The following LGALS12 variants were observed in gnomAD, a reference collection of about 807,000 sequenced individuals.
LGALS12 encodes galectin 12.
In LGALS12, 36 loss-of-function variants were observed where a neutral mutation model predicts 36.8. That is an observed-to-expected ratio of 0.98 (90% confidence interval 0.75 to 1.29). The LOEUF is 1.29. Ranked by LOEUF, LGALS12 falls within the 50% of genes most tolerant of loss-of-function variation. The pLI is 0.00. For synonymous variants in LGALS12, 145 were observed against 155.9 expected, an observed-to-expected ratio of 0.93 and a Z score of 0.52; for missense variants, 366 against 394.3, an observed-to-expected ratio of 0.93 and a Z score of 0.61.
chr11:63,516,204 G>T (rs1203078024), intron 8 of LGALS12, 43 bp from the exon 9 acceptor site: 2 of 1,525,768 alleles, frequency 1.3e-6, no homozygotes, highest in Non-Finnish European at 8.7e-7. Context: ...ACAAGGGAAA[G>T]TCTGGCTGGA....
chr11:63,510,803 G>T (rs2016896005), intron 5 of LGALS12, among the ~76,000 whole-genome samples: 1 of 152,332 alleles, frequency 6.6e-6, no homozygotes, highest in Non-Finnish European at 1.5e-5. Context: ...AAGGTGGCTG[G>T]GGTTGGTCTT....
chr11:63,515,737 A>G (rs754593797), intron 8 of LGALS12, 24 bp downstream of exon 8: 1 of 1,611,636 alleles, frequency 6.2e-7, no homozygotes, highest in South Asian at 1.1e-5. Flanking sequence ...AAATGATTAC[A>G]TCCCTTCAGG....
Position 63,516,466 on chromosome 11 carries a change from C to T in LGALS12, c.*73C>T. On this transcript the variant is annotated 3_prime_UTR_variant, in exon 9 of 9. Transcript: ENST00000394618. ...TCCCAGGGCCCCACTCTCCTCCCCT[C>T]ATTAAACCATCCACCTGACACCAGC... The T allele has an allele frequency of 1.3e-6, 2 of 1,548,298 alleles. No individual in the cohort carries two copies. Among genetic ancestry groups the T allele is most frequent in the South Asian group, 1.1e-5 (1 of 88,956 alleles).
chr11:63,516,130 C>T, intron 8 of LGALS12, 117 bp from the exon 9 acceptor site: 5 of 1,315,742 alleles, frequency 3.8e-6, no homozygotes, highest in Middle Eastern at 2.7e-4. Context: ...ACTGGGTGCC[C>T]CCTGGGTCCA....
intron 1 of LGALS12, chr11:63,507,954 T>C: frequency 4.7e-6 from 4 of 844,176 alleles, no homozygotes; most frequent in East Asian, 1.2e-4. Flanking sequence ...GCCAAGCTGG[T>C]CTCGAACTCC....
chr11:63,516,354 G>A lies in LGALS12; in HGVS notation c.906G>A (p.Arg302=), dbSNP rs1404546854. The stretch of plus-strand genomic sequence containing the variant: ...CCCTGGAGCAGCTGCGGGAGCTCCG[G>A]ATCAGTGGAAGTGTCCAGCTCTACT... ...QQALEQLREL[R]ISGSVQLYCV... is the part of the protein sequence containing the mutation. The change falls in exon 9 of 9, where the codon CGG becomes CGA. Residue 302 remains arginine (R), a synonymous_variant. Coordinates refer to ENST00000394618, the MANE Select transcript of LGALS12 (RefSeq NM_033101.4). The A allele has an allele frequency of 3.7e-6, 6 of 1,613,778 alleles. No individual in the cohort carries two copies. The East Asian group carries it at 1.3e-4, about 36-fold the overall frequency.
chr11:63,510,435 G>T, intron 4 of LGALS12, 28 bp from the exon 5 acceptor site: 3 of 1,613,400 alleles, frequency 1.9e-6, no homozygotes, highest in Non-Finnish European at 2.5e-6. Flanking sequence ...CCTAAATGCT[G>T]CTGATTCTTT....
chr11:63,514,457 G>T (rs2017019349), intron 7 of LGALS12, among the ~76,000 whole-genome samples: 1 of 152,136 alleles, frequency 6.6e-6, no homozygotes, highest in Admixed American at 6.5e-5. Context: ...TGTAGTCCCA[G>T]CTACTCCGGA....
In LGALS12 at chr11:63,509,009, C is replaced by T. The variant is rs759697085; in HGVS notation, c.372+18C>T. ...AAGTGAAGGTGAAGGAAGGGACGGG[C>T]ATTGGGTGGTCTAGAATTTGTGTCC... On this transcript the variant is annotated intron_variant, in intron 3 of 8. Coordinates refer to ENST00000394618, the MANE Select transcript of LGALS12 (RefSeq NM_033101.4). 1 of 1,594,130 alleles carries T rather than the reference C, an allele frequency of 6.3e-7. No individual in the cohort carries two copies. Among genetic ancestry groups the T allele is most frequent in the Non-Finnish European group, 8.6e-7 (1 of 1,162,422 alleles).
chr11:63,506,282 G>A lies in LGALS12; in HGVS notation c.-177G>A, dbSNP rs937064290. On this transcript the variant is annotated 5_prime_UTR_variant, in exon 1 of 9. Coordinates refer to ENST00000394618, the MANE Select transcript of LGALS12 (RefSeq NM_033101.4). Reference sequence around the variant, plus strand: ...GGGGCTGGTGTGGAGCCTGGAGGTCGCCCGCTGCCCTCCTAGGGCTGCTCC... The same window carrying A: ...GGGGCTGGTGTGGAGCCTGGAGGTCACCCGCTGCCCTCCTAGGGCTGCTCC... The A allele has an allele frequency of 5.3e-5, 68 of 1,280,400 alleles. No individual in the cohort carries two copies. Among genetic ancestry groups the A allele is most frequent in the African/African-American group, 3.8e-4 (26 of 67,692 alleles). 79.3% of individuals were successfully genotyped at this position (1,280,400 alleles called of 1,614,324 possible).
At chr11:63,506,587 G>A (rs2016749759) in intron 1 of LGALS12, 60 bp downstream of exon 1, 1 of 1,606,542 alleles carries the variant, frequency 6.2e-7, no homozygotes, top group Non-Finnish European at 8.5e-7. Flanking sequence ...TTCCAACTGG[G>A]CCCACACTCC....
intron 7 of LGALS12, among the ~76,000 whole-genome samples, chr11:63,514,177 G>A (rs952118815): frequency 6.6e-5 from 10 of 152,262 alleles, no homozygotes; most frequent in South Asian, 4.1e-4. Context: ...TGTCCAGGGC[G>A]GCCTTTTCCC....
chr11:63,516,143 C>G (rs996294007), intron 8 of LGALS12, 104 bp from the exon 9 acceptor site: 3 of 1,428,778 alleles, frequency 2.1e-6, no homozygotes, highest in Non-Finnish European at 9.3e-7. Flanking sequence ...TGGGTCCAGT[C>G]TTCGTGTCCT....
At chr11:63,511,299 A>T in intron 6 of LGALS12, among the ~76,000 whole-genome samples, 194 bp downstream of exon 6, 1 of 152,042 alleles carries the variant, frequency 6.6e-6, no homozygotes, top group East Asian at 1.9e-4. Flanking sequence ...AGCAAGCTGC[A>T]GGCTGTGGGT....
intron 7 of LGALS12, among the ~76,000 whole-genome samples, chr11:63,515,048 C>T (rs146429313): frequency 1.3e-5 from 2 of 152,194 alleles, no homozygotes; most frequent in African/African-American, 4.8e-5. Flanking sequence ...GTTATGTTAT[C>T]GTCACATTAC....
At chr11:63,516,046 G>T (rs1313977727) in intron 8 of LGALS12, among the ~76,000 whole-genome samples, 1 of 152,298 alleles carries the variant, frequency 6.6e-6, no homozygotes, top group South Asian at 2.1e-4. Flanking sequence ...CCCAAGGCTG[G>T]GAAGATCCTT....
At chr11:63,511,952 T>C (rs2016938893) in intron 7 of LGALS12, 112 bp downstream of exon 7, 4 of 784,292 alleles carry the variant, frequency 5.1e-6, no homozygotes, top group Admixed American at 1.9e-5. Context: ...ATCCCCATTT[T>C]ACAGATGAGG....
intron 7 of LGALS12, 69 bp from the exon 8 acceptor site, chr11:63,515,494 C>T (rs943079788): frequency 1.3e-6 from 2 of 1,575,582 alleles, no homozygotes; most frequent in African/African-American, 1.3e-5. Context: ...CCATCCTTCC[C>T]CTGGGGGCTG....
chr11:63,513,390 T>C (rs1349720234), intron 7 of LGALS12, among the ~76,000 whole-genome samples: 1 of 152,036 alleles, frequency 6.6e-6, no homozygotes, highest in African/African-American at 2.4e-5. Context: ...GTCTCATAAA[T>C]AGTGAGGAAA....
Sources: gnomAD v4.1 joint callset for allele counts (sites outside exome capture counted in the v4.1 genomes callset) on GRCh38, gnomAD v4.1.1 for gene constraint, MANE v1.5 for transcripts, NCBI Gene and HGNC (gene_info 2026-07-23, HGNC 2026-07-21) for gene names.